CXADR: variants seen among roughly 807,000 people sequenced by gnomAD.
CXADR encodes coxsackievirus and adenovirus receptor.
Under a neutral mutation model 40.3 loss-of-function variants are expected in CXADR, and 20 were observed. The ratio of observed to expected loss-of-function variants is 0.50; its 90% CI spans 0.35 to 0.72. The LOEUF (loss-of-function observed/expected upper bound fraction) is 0.72, where lower values mean the gene tolerates loss of function less well. CXADR is among the 30% of genes least tolerant of loss of function. CXADR has a pLI of 0.01. For synonymous variants in CXADR, 150 were observed against 161.3 expected, an observed-to-expected ratio of 0.93 and a Z score of 0.53; for missense variants, 332 against 449.1, an observed-to-expected ratio of 0.74 and a Z score of 2.36.
At chr21:17,585,559 T>C (rs1052665317) in intron 7 of CXADR, among the ~76,000 whole-genome samples, 1 of 152,142 alleles carries the variant, frequency 6.6e-6, no homozygotes, top group African/African-American at 2.4e-5. Context: ...CGCTCTGTCG[T>C]CACGCTGGAG....
chr21:17,543,092 AT>A (rs2060850887), intron 1 of CXADR: 2 of 338,850 alleles, frequency 5.9e-6, no homozygotes, highest in Admixed American at 4.0e-5. Context: ...AAACAAAAAA[AT>A]CTAAAAGTCA....
At chr21:17,524,621 G>T (rs2060575575) in intron 1 of CXADR, among the ~76,000 whole-genome samples, 1 of 148,454 alleles carries the variant, frequency 6.7e-6, no homozygotes, top group Non-Finnish European at 1.5e-5. Context: ...GAGGCTGGGA[G>T]TGGTGGTGTG....
chr21:17,514,796 GCTAA>G (rs1007409992), intron 1 of CXADR, among the ~76,000 whole-genome samples: 6 of 151,860 alleles, frequency 4.0e-5, no homozygotes, highest in East Asian at 1.9e-4. Context: ...ACCATGCCCG[GCTAA>G]CTTTTTTATT....
intron 1 of CXADR, among the ~76,000 whole-genome samples, chr21:17,533,788 A>G (rs1026374903): frequency 6.6e-6 from 1 of 151,702 alleles, no homozygotes; most frequent in African/African-American, 2.4e-5. Context: ...GGGGATAGGG[A>G]GCTGGGAATT....
the CXADR span, among the ~76,000 whole-genome samples, chr21:17,614,518 G>A: frequency 6.6e-6 from 1 of 152,120 alleles, no homozygotes; most frequent in African/African-American, 2.4e-5. Flanking sequence ...CAAGGAGAGA[G>A]GATCATTTGA....
intron 4 of CXADR, among the ~76,000 whole-genome samples, chr21:17,559,372 A>G (rs1211708296): frequency 6.6e-6 from 1 of 151,306 alleles, no homozygotes; most frequent in Non-Finnish European, 1.5e-5. Flanking sequence ...ATGTGTAGAG[A>G]CAGGATCTCC....
chr21:17,599,138 T>C, the CXADR span: 6 of 257,150 alleles, frequency 2.3e-5, no homozygotes, highest in Admixed American at 2.5e-4. Flanking sequence ...TACATTTTTG[T>C]ATGTACCAAT....
At chr21:17,572,325 G>A (rs1007354603), downstream of CXADR, among the ~76,000 whole-genome samples, 7 of 151,674 alleles carry the variant, frequency 4.6e-5, no homozygotes, top group Admixed American at 2.0e-4. Flanking sequence ...AGCCGAGATC[G>A]CGCCACTGCA....
At chr21:17,586,318 C>G (rs1219246228) in intron 7 of CXADR, among the ~76,000 whole-genome samples, 1 of 149,944 alleles carries the variant, frequency 6.7e-6, no homozygotes, top group Non-Finnish European at 1.5e-5. Context: ...TTTCCCCATT[C>G]CAAATGGCCT....
chr21:17,534,100 A>ATATATAT (rs1179683085), intron 1 of CXADR, among the ~76,000 whole-genome samples: 33 of 60,076 alleles, frequency 5.5e-4, no homozygotes, highest in African/African-American at 2.0e-3. Context: ...ATATATATAT[A>ATATATAT]TTTTTTTTTT....
chr21:17,634,419 G>T, the CXADR span, among the ~76,000 whole-genome samples: 7 of 152,194 alleles, frequency 4.6e-5, no homozygotes, highest in African/African-American at 1.7e-4. Flanking sequence ...CCTAAACAGG[G>T]CTCTTTTCGG....
intron 1 of CXADR, among the ~76,000 whole-genome samples, chr21:17,546,459 C>T (rs1336455834): frequency 1.3e-5 from 2 of 152,176 alleles, no homozygotes; most frequent in Non-Finnish European, 2.9e-5. Flanking sequence ...CCTCAGGAAA[C>T]TTACAATCAT....
the CXADR span, among the ~76,000 whole-genome samples, chr21:17,636,181 T>C: frequency 1.3e-5 from 2 of 152,216 alleles, no homozygotes; most frequent in African/African-American, 4.8e-5. Context: ...TTTAACAGCT[T>C]ATTTGCAGAT....
chr21:17,553,935 T>C (rs1339054613), intron 3 of CXADR, among the ~76,000 whole-genome samples: 1 of 152,194 alleles, frequency 6.6e-6, no homozygotes, highest in Non-Finnish European at 1.5e-5. Context: ...TGAATTCTTA[T>C]CACAGACCCA....
At chr21:17,546,595 C>T (rs1306834414) in intron 1 of CXADR, among the ~76,000 whole-genome samples, 1 of 152,160 alleles carries the variant, frequency 6.6e-6, no homozygotes, top group African/African-American at 2.4e-5. Context: ...GGGAAATCCA[C>T]CCCCATGATC....
chr21:17,587,587 GT>G (rs988421002), intron 7 of CXADR, among the ~76,000 whole-genome samples: 2 of 152,096 alleles, frequency 1.3e-5, no homozygotes, highest in African/African-American at 4.8e-5. Flanking sequence ...CGATGGGGTT[GT>G]TTTTTTCTTG....
intron 7 of CXADR, among the ~76,000 whole-genome samples, chr21:17,579,791 A>G (rs1802890094): frequency 6.6e-6 from 1 of 152,164 alleles, no homozygotes; most frequent in Non-Finnish European, 1.5e-5. Flanking sequence ...TACACTGGCC[A>G]TTTAGGGCCT....
chr21:17,568,052 T>A lies in CXADR; in HGVS notation c.*2360T>A. The A allele has an allele frequency of 4.1e-6, 4 of 984,856 alleles. No homozygotes were observed. The highest frequency in any genetic ancestry group is 4.8e-6 in the Non-Finnish European group (4 of 829,784). The allele number at this position is 984,856 out of a possible 1,614,324, so 61.0% of individuals were successfully genotyped here. On this transcript the variant is annotated 3_prime_UTR_variant, in exon 7 of 7. Transcript: ENST00000284878. ...GATCAAATATTTGCTCCCGAATTAC[T>A]ACTGGTAATCAAGTAGTTGAACAAA...
chr21:17,620,721 A>T, the CXADR span, among the ~76,000 whole-genome samples: 1 of 149,330 alleles, frequency 6.7e-6, no homozygotes, highest in Non-Finnish European at 1.5e-5. Flanking sequence ...GAAATAACGT[A>T]AAAAAAAAAC....
Sources: gnomAD v4.1 joint callset for allele counts (sites outside exome capture counted in the v4.1 genomes callset) on GRCh38, gnomAD v4.1.1 for gene constraint, MANE v1.5 for transcripts, NCBI Gene and HGNC (gene_info 2026-07-23, HGNC 2026-07-21) for gene names.